Variants in GSDMC observed in about 807,000 individuals in gnomAD.
GSDMC encodes gasdermin-C.
In GSDMC, 59 loss-of-function variants were observed where a neutral mutation model predicts 58.0. The observed-to-expected ratio is 1.02, with a 90% CI of 0.82 to 1.26. The LOEUF is 1.26. GSDMC is among the 50% of genes most tolerant of loss of function. GSDMC has a pLI of 0.00. For missense variants in GSDMC, 659 were observed against 598.5 expected (o/e 1.10, Z -1.06); for synonymous variants, 241 against 220.2 (o/e 1.09, Z -0.83).
At chr8:129,763,459 C>T (rs753759770) in intron 4 of GSDMC, among the ~76,000 whole-genome samples, 4 of 152,164 alleles carry the variant, frequency 2.6e-5, no homozygotes, top group Non-Finnish European at 5.9e-5. Flanking sequence ...TTCTTTGGGT[C>T]TCAGAACCTT....
intron 1 of GSDMC, among the ~76,000 whole-genome samples, chr8:129,783,813 AAGGAATCATATTATCTGACATCAAATT>A (rs2034481941): frequency 6.6e-6 from 1 of 152,176 alleles, no homozygotes. Flanking sequence ...AGCAAAACTC[AAGGAATCATATTATCTGACATCAAATT>A]ATACTACAGA....
chr8:129,764,888 G>C (rs2033802143), intron 4 of GSDMC, among the ~76,000 whole-genome samples: 1 of 152,154 alleles, frequency 6.6e-6, no homozygotes, highest in Non-Finnish European at 1.5e-5. Flanking sequence ...CCCTGCTGCA[G>C]GTGGGGGTCC....
chr8:129,708,956 G>A, the GSDMC span, among the ~76,000 whole-genome samples: 2 of 152,218 alleles, frequency 1.3e-5, no homozygotes, highest in Admixed American at 1.3e-4. Context: ...TGAATATAGG[G>A]GAAATAATGC....
chr8:129,712,318 C>T, the GSDMC span, among the ~76,000 whole-genome samples: 1 of 152,094 alleles, frequency 6.6e-6, no homozygotes, highest in Non-Finnish European at 1.5e-5. Flanking sequence ...ATGATACAGA[C>T]CGATGGATGG....
At chr8:129,735,342 A>G in the GSDMC span, among the ~76,000 whole-genome samples, 1 of 152,196 alleles carries the variant, frequency 6.6e-6, no homozygotes, top group Non-Finnish European at 1.5e-5. Context: ...CCCCAAATCA[A>G]CAGAATAGAC....
chr8:129,712,351 A>T, the GSDMC span, among the ~76,000 whole-genome samples: 10 of 152,184 alleles, frequency 6.6e-5, no homozygotes, highest in Admixed American at 2.0e-4. Context: ...TAAGACTTGA[A>T]ATTAAACATT....
Position 129,750,527 on chromosome 8 carries a change from T to A in GSDMC, c.987A>T (p.Thr329=), listed in dbSNP as rs144960610. 1.9e-6 allele frequency: 3 copies of A among 1,613,986 alleles called. No homozygotes were observed. The highest frequency in any genetic ancestry group is 1.7e-5 in the Admixed American group (1 of 60,020). Reference sequence around the variant, plus strand: ...GAACATCCTTTGAGAGCTGAGCCAGTGTCTTTATTTTCTGGAAAACCTCCT... The same window carrying A: ...GAACATCCTTTGAGAGCTGAGCCAGAGTCTTTATTTTCTGGAAAACCTCCT... ...LQEEVFQKIK[T]LAQLSKDVQD... The change falls in exon 11 of 14, where the codon ACA becomes ACT. Residue 329 remains threonine (T), a synonymous_variant. Coordinates refer to ENST00000276708, the MANE Select transcript of GSDMC (RefSeq NM_031415.3).
intron 3 of GSDMC, among the ~76,000 whole-genome samples, chr8:129,775,359 G>A (rs1418463799): frequency 2.6e-5 from 4 of 152,106 alleles, no homozygotes; most frequent in Non-Finnish European, 5.9e-5. Context: ...ACCTAAAAAA[G>A]TCAAACTTAT....
intron 13 of GSDMC, 44 bp downstream of exon 13, chr8:129,749,406 TCC>T (rs2033077476): frequency 7.8e-7 from 1 of 1,283,212 alleles, no homozygotes; most frequent in African/African-American, 1.5e-5. Flanking sequence ...TACCTCTGGT[TCC>T]CTCACCCTCT....
chr8:129,733,439 A>G, the GSDMC span, among the ~76,000 whole-genome samples: 10 of 152,156 alleles, frequency 6.6e-5, no homozygotes, highest in Non-Finnish European at 1.2e-4. Context: ...ATACAGGCGG[A>G]TGCCCCTCTG....
In GSDMC at chr8:129,762,643, A is replaced by C. The variant is rs1157054387; in HGVS notation, c.659T>G (p.Leu220Arg). Residue 220 changes from leucine (L) to arginine (R), a missense_variant, in exon 5 of 14, where the codon CTG (leucine) becomes CGG (arginine). By Grantham distance (102) the Leu-to-Arg change is moderately radical (BLOSUM62 -2). Transcript: ENST00000276708. ...GMVMAYKRKQ[L>R]VIKEKAILIS... ...GCTCCCACCTTTCTCCTTGATAACC[A>C]GCTGCTTTCTCTTATAAGCCATCAC... 1 of 1,611,312 alleles carries C rather than the reference A, an allele frequency of 6.2e-7. No homozygotes were observed.
At chr8:129,738,392 C>A in the GSDMC span, among the ~76,000 whole-genome samples, 1 of 152,278 alleles carries the variant, frequency 6.6e-6, no homozygotes, top group South Asian at 2.1e-4. Flanking sequence ...ATAGCAAAGA[C>A]TTGGAGCCAA....
intron 4 of GSDMC, 98 bp from the exon 5 acceptor site, chr8:129,762,829 G>T: frequency 4.0e-6 from 3 of 756,284 alleles, no homozygotes; most frequent in Non-Finnish European, 6.9e-6. Context: ...AGCATTCCCT[G>T]CTCTCATCCT....
At chr8:129,734,229 G>C in the GSDMC span, among the ~76,000 whole-genome samples, 1 of 152,136 alleles carries the variant, frequency 6.6e-6, no homozygotes, top group Non-Finnish European at 1.5e-5. Flanking sequence ...GGGGAGAATG[G>C]AACCAAGTTG....
At chr8:129,717,873 T>C in the GSDMC span, among the ~76,000 whole-genome samples, 1 of 152,006 alleles carries the variant, frequency 6.6e-6, no homozygotes, top group South Asian at 2.1e-4. Context: ...ACGGCACACA[T>C]CTGCAACAAT....
At chr8:129,707,851 TAA>T in the GSDMC span, among the ~76,000 whole-genome samples, 1 of 152,224 alleles carries the variant, frequency 6.6e-6, no homozygotes, top group South Asian at 2.1e-4. Flanking sequence ...AAAACAGAGA[TAA>T]GAGGATAGAA....
At chr8:129,769,046 C>T (rs2033961707) in intron 3 of GSDMC, among the ~76,000 whole-genome samples, 1 of 150,588 alleles carries the variant, frequency 6.6e-6, no homozygotes, top group South Asian at 2.1e-4. Context: ...CCACTGCACT[C>T]CAGCCTGAGT....
At position 129,759,152 on chromosome 8, in the gene GSDMC, T is replaced by C. The variant is rs188441535; in HGVS notation, c.721+1393A>G. On this transcript the variant is annotated intron_variant, in intron 6 of 13. Transcript: ENST00000276708. ...AATAAATGGTGCTGGGAAAACTGGA[T>C]ATCCGTATCCAGGAGAATAAAACTA... 3.3e-3 allele frequency among the ~76,000 whole-genome samples: 506 copies of C among 152,288 alleles called. 9 individuals carry two copies. Among genetic ancestry groups the C allele is most frequent in the Admixed American group, 0.028 (432 of 15,282 alleles).
At chr8:129,739,067 A>T in the GSDMC span, among the ~76,000 whole-genome samples, 4 of 152,116 alleles carry the variant, frequency 2.6e-5, no homozygotes, top group Non-Finnish European at 4.4e-5. Flanking sequence ...TTATACTTTA[A>T]GTTCTGGGGT....
Sources: allele counts gnomAD v4.1 joint callset (sites outside exome capture counted in the v4.1 genomes callset), GRCh38; gene constraint gnomAD v4.1.1; transcripts MANE v1.5; gene names NCBI Gene and HGNC (gene_info 2026-07-23, HGNC 2026-07-21).